Variants in KALRN observed in about 807,000 individuals in gnomAD.
The protein encoded by KALRN is kalirin RhoGEF kinase.
In KALRN, 70 loss-of-function variants were observed where a neutral mutation model predicts 353.7. The ratio of observed to expected loss-of-function variants is 0.20; its 90% CI spans 0.16 to 0.24. The LOEUF (loss-of-function observed/expected upper bound fraction) is 0.24. Among genes scored for constraint, KALRN ranks in the 10% least tolerant of loss-of-function variants. The probability of loss-of-function intolerance (pLI) is 1.00; values close to 1 mark genes in which losing one functional copy is unlikely to be tolerated. For missense variants in KALRN, 2,791 were observed against 3,756.7 expected (o/e 0.74, Z 6.72); for synonymous variants, 1,391 against 1,434.8 (o/e 0.97, Z 0.69).
chr3:124,634,036 C>T, intron 36 of KALRN, 83 bp downstream of exon 36: 4 of 957,940 alleles, frequency 4.2e-6, no homozygotes, highest in South Asian at 1.5e-5. Context: ...GGTAGTCATA[C>T]TCTTTCTCCC....
intron 34 of KALRN, among the ~76,000 whole-genome samples, chr3:124,593,781 T>C (rs1298525922): frequency 6.6e-6 from 1 of 152,200 alleles, no homozygotes; most frequent in Non-Finnish European, 1.5e-5. Context: ...AGCCCAAAGA[T>C]CCAGTAAGGG....
At chr3:124,210,418 A>G (rs1423831922) in intron 1 of KALRN, among the ~76,000 whole-genome samples, 1 of 152,180 alleles carries the variant, frequency 6.6e-6, no homozygotes, top group Non-Finnish European at 1.5e-5. Context: ...AATTCACTAA[A>G]TATGGTATTT....
At chr3:124,239,052 C>T (rs564692721) in intron 3 of KALRN, among the ~76,000 whole-genome samples, 1 of 152,244 alleles carries the variant, frequency 6.6e-6, no homozygotes, top group South Asian at 2.1e-4. Context: ...CTTGGTGAGG[C>T]CTCATGTTAT....
At chr3:124,065,182 G>C (rs1335555252) in intron 1 of KALRN, among the ~76,000 whole-genome samples, 2 of 152,180 alleles carry the variant, frequency 1.3e-5, no homozygotes. Context: ...GACTAAGAAG[G>C]AAAAGCATAG....
intron 1 of KALRN, among the ~76,000 whole-genome samples, chr3:124,108,017 C>T (rs2062471741): frequency 6.6e-6 from 1 of 152,212 alleles, no homozygotes; most frequent in Admixed American, 6.5e-5. Flanking sequence ...CTGTTAATCA[C>T]ATCTTGAACA....
intron 1 of KALRN, among the ~76,000 whole-genome samples, chr3:124,207,016 C>T (rs1049667901): frequency 6.6e-6 from 1 of 152,146 alleles, no homozygotes; most frequent in African/African-American, 2.4e-5. Context: ...ATTGGGCTAG[C>T]TGGAAGAGGC....
Position 124,131,419 on chromosome 3 carries a change from C to T in KALRN, c.74-96571C>T, listed in dbSNP as rs114529148. Among the ~76,000 whole-genome samples the T allele has an allele frequency of 3.3e-3, 495 of 152,248 alleles. 1 individual carries two copies. Among genetic ancestry groups the T allele is most frequent in the South Asian group, 0.014 (68 of 4,824 alleles). ...CTCCTCTACCTTTGACCCATGGGGT[C>T]TGGTGAACATAAAGTGAGGTATAAG... On this transcript the variant is annotated intron_variant, in intron 1 of 59. Transcript: ENST00000682506.
In KALRN at chr3:124,645,658, C is replaced by G. The variant is rs201428925; in HGVS notation, c.5665-5150C>G. Among the ~76,000 whole-genome samples, 285 of 74,328 alleles carry G rather than the reference C, an allele frequency of 3.8e-3. 1 individual carries two copies. Among genetic ancestry groups the G allele is most frequent in the African/African-American group, 0.015 (263 of 17,868 alleles). 48.8% of individuals were successfully genotyped at this position (74,328 alleles called of 152,430 possible). A position where few individuals can be genotyped will look rare whatever the true frequency, so the allele number is the denominator to read the frequency against. On this transcript the variant is annotated intron_variant, in intron 37 of 59. Transcript: ENST00000682506. ...TCTCTCTCTCTCTCTCTCTCTCTCT[C>G]TGTGCGTGTGTGTGTGTGTGTATCA...
chr3:124,257,078 G>A (rs536079203), intron 3 of KALRN, among the ~76,000 whole-genome samples: 3 of 152,326 alleles, frequency 2.0e-5, no homozygotes, highest in South Asian at 2.1e-4. Context: ...TGAGGCCATG[G>A]AGAGAGAAAC....
intron 5 of KALRN, among the ~76,000 whole-genome samples, chr3:124,277,979 CT>C (rs1333972132): frequency 1.4e-5 from 2 of 141,452 alleles, no homozygotes. Context: ...AAAAGAAGGT[CT>C]GATCAGAGAT....
intron 34 of KALRN, among the ~76,000 whole-genome samples, chr3:124,601,420 T>G (rs1197414378): frequency 6.6e-6 from 1 of 152,238 alleles, no homozygotes; most frequent in African/African-American, 2.4e-5. Context: ...ACTTGTAACC[T>G]AGGTCTCAAA....
chr3:124,335,107 G>T lies in KALRN; in HGVS notation c.1647+612G>T, dbSNP rs112984351. Among the ~76,000 whole-genome samples, 4 of 152,046 alleles carry T rather than the reference G, an allele frequency of 2.6e-5. No homozygotes were observed. In the East Asian group the frequency reaches 7.7e-4, roughly 29 times the overall value. Reference sequence around the variant, plus strand: ...GCCAATATGGCACATTTTTCTTTTGGTGAGCTTGACCCACACTCAGGCAAT... The same window carrying T: ...GCCAATATGGCACATTTTTCTTTTGTTGAGCTTGACCCACACTCAGGCAAT... On this transcript the variant is annotated intron_variant, in intron 9 of 59. Transcript: ENST00000682506.
chr3:124,173,610 T>G (rs1442874973), intron 1 of KALRN, among the ~76,000 whole-genome samples: 1 of 152,136 alleles, frequency 6.6e-6, no homozygotes, highest in Non-Finnish European at 1.5e-5. Flanking sequence ...CAAGGTTTCC[T>G]GTGCTTTTTT....
intron 1 of KALRN, among the ~76,000 whole-genome samples, chr3:124,047,390 A>C (rs565138987): frequency 6.6e-6 from 1 of 152,268 alleles, no homozygotes; most frequent in South Asian, 2.1e-4. Context: ...TGACTCATTT[A>C]ATATGTATTT....
At chr3:124,162,660 C>A (rs572555283) in intron 1 of KALRN, 19 of 152,348 alleles carry the variant, frequency 1.2e-4, no homozygotes, top group African/African-American at 3.4e-4. Context: ...AGAAGATTGT[C>A]TAGAACCTAG....
chr3:124,216,159 A>G (rs1408747823), intron 1 of KALRN, among the ~76,000 whole-genome samples: 1 of 152,190 alleles, frequency 6.6e-6, no homozygotes, highest in Non-Finnish European at 1.5e-5. Flanking sequence ...GATCTTTCAG[A>G]CAGCCTTCAC....
chr3:124,673,721 G>T (rs548262466), intron 48 of KALRN, among the ~76,000 whole-genome samples: 71 of 152,136 alleles, frequency 4.7e-4, no homozygotes, highest in Admixed American at 2.0e-3. Flanking sequence ...CTGTCTAGAG[G>T]CAGCTGCCCT....
At chr3:124,236,496 T>C (rs2079786250) in intron 3 of KALRN, among the ~76,000 whole-genome samples, 1 of 152,182 alleles carries the variant, frequency 6.6e-6, no homozygotes, top group African/African-American at 2.4e-5. Flanking sequence ...GAAGTTTTCA[T>C]AGGGAGCTGT....
chr3:124,285,265 T>C (rs1396785305), intron 5 of KALRN, among the ~76,000 whole-genome samples: 1 of 152,180 alleles, frequency 6.6e-6, no homozygotes, highest in Admixed American at 6.5e-5. Context: ...TAGTATATCC[T>C]TCTTATCCTT....
Sources: allele counts gnomAD v4.1 joint callset (sites outside exome capture counted in the v4.1 genomes callset), GRCh38; gene constraint gnomAD v4.1.1; transcripts MANE v1.5; gene names NCBI Gene and HGNC (gene_info 2026-07-23, HGNC 2026-07-21).